MLXIPL: variants seen among roughly 807,000 people sequenced by gnomAD.
The protein encoded by MLXIPL is carbohydrate-responsive element-binding protein.
In MLXIPL, 49 loss-of-function variants were observed where a neutral mutation model predicts 81.5. The observed-to-expected ratio is 0.60, with a 90% CI of 0.48 to 0.76. The LOEUF is 0.76. Among genes scored for constraint, MLXIPL ranks in the 30% least tolerant of loss-of-function variants. MLXIPL has a pLI of 0.00. For synonymous variants in MLXIPL, 466 were observed against 485.5 expected (o/e 0.96, Z 0.53); for missense variants, 1,053 against 1,167.0 (o/e 0.90, Z 1.42).
At chr7:73,627,645 C>G (rs1554604049), upstream of MLXIPL, among the ~76,000 whole-genome samples, 1 of 152,118 alleles carries the variant, frequency 6.6e-6, no homozygotes, top group East Asian at 1.9e-4. Context: ...TCCCCCTATT[C>G]CTCCGTAGGC....
the MLXIPL span, among the ~76,000 whole-genome samples, chr7:73,629,866 G>A: frequency 6.6e-6 from 1 of 152,150 alleles, no homozygotes; most frequent in East Asian, 1.9e-4. Context: ...ATGATCTGGC[G>A]GATTGTGGTG....
At chr7:73,644,648 C>T in the MLXIPL span, among the ~76,000 whole-genome samples, 1 of 152,188 alleles carries the variant, frequency 6.6e-6, no homozygotes, top group African/African-American at 2.4e-5. Context: ...TTTTCCTCCC[C>T]CCAGCCCGCC....
rs782698712 is a variant in MLXIPL at position 73,597,671 on chromosome 7, G to A, written c.1114C>T (p.Leu372=). The A allele has an allele frequency of 1.4e-6, 2 of 1,381,730 alleles. No individual in the cohort carries two copies. Among genetic ancestry groups the A allele is most frequent in the South Asian group, 4.1e-5 (2 of 48,888 alleles). The allele number at this position is 1,381,730 out of a possible 1,614,324, so 85.6% of individuals were successfully genotyped here. ...CPGPLDSSAF[L]SSDFLLPEDP... ...TCAGGAAGGAGGAAATCAGAACTCA[G>A]GAAGGCGCTGGAGTCCAAGGGGCCA... Residue 372 remains leucine, a synonymous_variant, in exon 9 of 17, where the codon CTG becomes TTG. Coordinates refer to ENST00000313375, the MANE Select transcript of MLXIPL (RefSeq NM_032951.3).
At chr7:73,646,654 C>A in the MLXIPL span, among the ~76,000 whole-genome samples, 2 of 152,154 alleles carry the variant, frequency 1.3e-5, no homozygotes, top group South Asian at 2.1e-4. Flanking sequence ...ACAGCTCAGA[C>A]CTCTTCTGGT....
chr7:73,594,650 GC>G (rs1249503924), intron 15 of MLXIPL, among the ~76,000 whole-genome samples: 2 of 152,036 alleles, frequency 1.3e-5, no homozygotes, highest in Non-Finnish European at 2.9e-5. Context: ...CCAGGTTCAA[GC>G]AATTCTCCTG....
Position 73,596,335 on chromosome 7 carries a change from C to A in MLXIPL, c.1938+29G>T. 6.2e-7 allele frequency: 1 copy of A among 1,612,408 alleles called. No individual in the cohort carries two copies. Among genetic ancestry groups the A allele is most frequent in the East Asian group, 2.2e-5 (1 of 44,764 alleles). ...CCCAGGAGGGCCTGGGGGTAGCAAA[C>A]CGATCTTGGGGTGGGGGATGGTGCC... On this transcript the variant is annotated intron_variant, in intron 12 of 16. Coordinates refer to ENST00000313375, the MANE Select transcript of MLXIPL (RefSeq NM_032951.3). The surrounding 1 kb of genome is among the most constrained non-coding windows in gnomAD (Gnocchi z 4.7).
chr7:73,594,501 G>T, intron 15 of MLXIPL, 98 bp from the exon 16 acceptor site: 2 of 1,484,940 alleles, frequency 1.3e-6, no homozygotes, highest in Non-Finnish European at 1.9e-6. Context: ...AAAGGGCCTG[G>T]ACACTGTCTA....
At chr7:73,603,564 C>T (rs1554597023) in intron 7 of MLXIPL, among the ~76,000 whole-genome samples, 1 of 152,194 alleles carries the variant, frequency 6.6e-6, no homozygotes, top group Admixed American at 6.5e-5. Flanking sequence ...CATAGGCCTC[C>T]ACCTCTTGAT....
intron 7 of MLXIPL, among the ~76,000 whole-genome samples, chr7:73,600,253 G>A (rs1794677028): frequency 6.7e-6 from 1 of 150,272 alleles, no homozygotes; most frequent in South Asian, 2.1e-4. Context: ...GGTGAAGAGT[G>A]TAATGGGGCG....
At chr7:73,601,885 C>T (rs1794853522) in intron 7 of MLXIPL, among the ~76,000 whole-genome samples, 1 of 152,054 alleles carries the variant, frequency 6.6e-6, no homozygotes. Flanking sequence ...CTGTGTGTTG[C>T]AGTCGCTGAA....
At chr7:73,632,493 C>G in the MLXIPL span, among the ~76,000 whole-genome samples, 4 of 152,198 alleles carry the variant, frequency 2.6e-5, no homozygotes, top group African/African-American at 9.6e-5. Flanking sequence ...TTCGCCCTTA[C>G]AAGGTAGTGT....
At chr7:73,595,369 G>A (rs142784871) in intron 15 of MLXIPL, among the ~76,000 whole-genome samples, 72 of 152,182 alleles carry the variant, frequency 4.7e-4, no homozygotes, top group African/African-American at 1.7e-3. Context: ...AACTGCCCTC[G>A]GGGCTTCCTG....
intron 15 of MLXIPL, 73 bp downstream of exon 15, chr7:73,595,564 A>G: frequency 1.2e-6 from 2 of 1,613,166 alleles, no homozygotes; most frequent in Non-Finnish European, 1.7e-6. Flanking sequence ...CTAGGCCTCC[A>G]TCCCAGGCCC....
Position 73,606,297 on chromosome 7 carries a change from A to G in MLXIPL, c.619-186T>C, listed in dbSNP as rs551613222. 27 of 647,406 alleles carry G rather than the reference A, an allele frequency of 4.2e-5. No individual in the cohort carries two copies. The African/African-American group carries it at 4.7e-4, about 11-fold the overall frequency. The allele number at this position is 647,406 out of a possible 1,614,324, so 40.1% of individuals were successfully genotyped here. ...AAGATCACTCCATTGGCCTCTAAGA[A>G]CTTCCCCCAGGAGATAGACCAGGAT... is the stretch of plus-strand genomic sequence containing the variant. On this transcript the variant is annotated intron_variant, in intron 5 of 16. Coordinates refer to ENST00000313375, the MANE Select transcript of MLXIPL (RefSeq NM_032951.3).
At chr7:73,621,362 C>G (rs2116508051) in intron 1 of MLXIPL, among the ~76,000 whole-genome samples, 1 of 151,742 alleles carries the variant, frequency 6.6e-6, no homozygotes, top group Admixed American at 6.6e-5. Context: ...CCACGCTAAC[C>G]TGCAGAGGGT....
chr7:73,627,236 C>T (rs1796768448), upstream of MLXIPL, among the ~76,000 whole-genome samples: 1 of 151,642 alleles, frequency 6.6e-6, no homozygotes, highest in Non-Finnish European at 1.5e-5. Flanking sequence ...AGAGAGCCAT[C>T]CCCAAGTGGC....
chr7:73,628,240 C>T (rs1443914442), upstream of MLXIPL, among the ~76,000 whole-genome samples: 4 of 152,102 alleles, frequency 2.6e-5, no homozygotes, highest in East Asian at 1.9e-4. Context: ...TTGTCTCCTG[C>T]GGTTTCAGGG....
rs1554603220 is a variant in MLXIPL at position 73,624,513 on chromosome 7, C to T, written c.-21G>A. 6.6e-7 allele frequency: 1 copy of T among 1,522,542 alleles called. No individual in the cohort carries two copies. The highest frequency in any genetic ancestry group is 8.8e-7 in the Non-Finnish European group (1 of 1,142,090). The allele number at this position is 1,522,542 out of a possible 1,614,324, so 94.3% of individuals were successfully genotyped here. A position where few individuals can be genotyped will look rare whatever the true frequency, so the allele number is the denominator to read the frequency against. On this transcript the variant is annotated 5_prime_UTR_variant, in exon 1 of 17. Coordinates refer to ENST00000313375, the MANE Select transcript of MLXIPL (RefSeq NM_032951.3). ...GCCATGGCTGTCGCCGCCGCAACCG[C>T]CTGGTCCCTGCTCCGCGCAGCGCGG...
chr7:73,636,738 CAG>C, the MLXIPL span, among the ~76,000 whole-genome samples: 1 of 152,044 alleles, frequency 6.6e-6, no homozygotes, highest in Non-Finnish European at 1.5e-5. Context: ...CACAAAAATT[CAG>C]AGTGTCTAGA....
Sources: allele counts gnomAD v4.1 joint callset (sites outside exome capture counted in the v4.1 genomes callset), GRCh38; gene constraint gnomAD v4.1.1; non-coding constraint Gnocchi (gnomAD v3.1); transcripts MANE v1.5; gene names NCBI Gene and HGNC (gene_info 2026-07-23, HGNC 2026-07-21).